CABP1: variants seen among roughly 807,000 people sequenced by gnomAD.
CABP1 encodes the protein calcium binding protein 1, also known as calcium-binding protein 1.
Under a neutral mutation model 34.3 loss-of-function variants are expected in CABP1, and 17 were observed. That is an observed-to-expected ratio of 0.50 (90% CI 0.34 to 0.74). The LOEUF (loss-of-function observed/expected upper bound fraction) is 0.74. CABP1 is among the 30% of genes least tolerant of loss of function. The pLI is 0.01. For synonymous variants in CABP1, 198 were observed against 229.2 expected (o/e 0.86, Z 1.23); for missense variants, 373 against 511.1 (o/e 0.73, Z 2.61).
the CABP1 span, among the ~76,000 whole-genome samples, chr12:120,676,995 T>C: frequency 5.3e-5 from 8 of 152,036 alleles, no homozygotes; most frequent in Admixed American, 1.3e-4. Flanking sequence ...CCTAGCTACT[T>C]GGGATCAGTT....
chr12:120,658,088 C>CTT (rs140287793), intron 1 of CABP1, among the ~76,000 whole-genome samples: 291 of 86,202 alleles, frequency 3.4e-3, no homozygotes, highest in African/African-American at 4.4e-3. Flanking sequence ...CCATCACCAG[C>CTT]TTTTTTTTTT....
In CABP1 at chr12:120,661,181, T is replaced by C; in HGVS notation, c.1050T>C (p.Asp350=). 1 of 1,611,242 alleles carries C rather than the reference T, an allele frequency of 6.2e-7. No homozygotes were observed. Among genetic ancestry groups the C allele is most frequent in the East Asian group, 2.2e-5 (1 of 44,836 alleles). The stretch of plus-strand genomic sequence containing the variant: ...GAGACATAGAGGAAATTATCCGAGA[T>C]GTGGACCTCAATGGGGATGGACGAG... ...GHRDIEEIIR[D]VDLNGDGRVD... Residue 350 remains aspartate (D), a synonymous_variant, in exon 5 of 6, where the codon GAT becomes GAC. Coordinates refer to ENST00000316803, the MANE Select transcript of CABP1 (RefSeq NM_001033677.2). This position sits in a 1 kb window ranked among gnomAD's most constrained non-coding sequence, Gnocchi z 5.1.
At chr12:120,679,968 T>G in the CABP1 span, among the ~76,000 whole-genome samples, 1 of 152,156 alleles carries the variant, frequency 6.6e-6, no homozygotes, top group East Asian at 1.9e-4. Flanking sequence ...GGTCTGGAGT[T>G]TGAGACCAGC....
chr12:120,641,626 A>C lies in CABP1; in HGVS notation c.654+287A>C. 3.2e-6 allele frequency: 1 copy of C among 312,418 alleles called. No individual in the cohort carries two copies. The allele number at this position is 312,418 out of a possible 1,614,324, so 19.4% of individuals were successfully genotyped here. On this transcript the variant is annotated intron_variant, in intron 1 of 5. Coordinates refer to ENST00000316803, the MANE Select transcript of CABP1 (RefSeq NM_001033677.2). This position sits in a 1 kb window ranked among gnomAD's most constrained non-coding sequence, Gnocchi z 6.7. ...CCAGTCCTGGAAGAGAGCGACCTCT[A>C]CGACCGTCCTGGAGATTTGCGGGGG...
rs1881033445 is a variant in CABP1 at position 120,666,957 on chromosome 12, T to C, written c.*57T>C. ...TCCCAAAGGCGGGGCTAAGAGGAGC[T>C]AGAGCTTGCCTCACCCGCTGTAGCC... On this transcript the variant is annotated 3_prime_UTR_variant, in exon 6 of 6. Coordinates refer to ENST00000316803, the MANE Select transcript of CABP1 (RefSeq NM_001033677.2). The C allele has an allele frequency of 6.4e-7, 1 of 1,562,148 alleles. No homozygotes were observed. The highest frequency in any genetic ancestry group is 8.6e-7 in the Non-Finnish European group (1 of 1,158,688).
chr12:120,660,661 T>A lies in CABP1; in HGVS notation c.830-70T>A. 1 of 1,050,040 alleles carries A rather than the reference T, an allele frequency of 9.5e-7. No individual in the cohort carries two copies. The highest frequency in any genetic ancestry group is 1.5e-6 in the Non-Finnish European group (1 of 669,176). The allele number at this position is 1,050,040 out of a possible 1,614,324, so 65.0% of individuals were successfully genotyped here. Reference sequence around the variant, plus strand: ...CAGGTCAAGGAGGGGTTGTCCATTCTGTCAGTTGTCTAGTTGGAGACAGGG... The same window carrying A: ...CAGGTCAAGGAGGGGTTGTCCATTCAGTCAGTTGTCTAGTTGGAGACAGGG... On this transcript the variant is annotated intron_variant, in intron 3 of 5. Transcript: ENST00000316803. The surrounding 1 kb of genome is among the most constrained non-coding windows in gnomAD (Gnocchi z 5.0).
chr12:120,669,081 C>G (rs1881155962), downstream of CABP1, among the ~76,000 whole-genome samples: 1 of 150,530 alleles, frequency 6.6e-6, no homozygotes, highest in African/African-American at 2.4e-5. Context: ...TCCAGGCAGC[C>G]AGGGGAGGCT....
At chr12:120,678,118 C>T in the CABP1 span, among the ~76,000 whole-genome samples, 29 of 152,326 alleles carry the variant, frequency 1.9e-4, 1 homozygote, top group South Asian at 6.0e-3. Flanking sequence ...ACCAAACCAC[C>T]CACCTCAGAG....
In CABP1 at chr12:120,667,037, G is replaced by A. The variant is rs1881041742; in HGVS notation, c.*137G>A. ...GGGCCTGCCTGCACCCCGGGGAGGC[G>A]CCCACCCCGGACCCCCACCCCTCCG... On this transcript the variant is annotated 3_prime_UTR_variant, in exon 6 of 6. Coordinates refer to ENST00000316803, the MANE Select transcript of CABP1 (RefSeq NM_001033677.2). 2.9e-6 allele frequency: 3 copies of A among 1,017,802 alleles called. No homozygotes were observed. The highest frequency in any genetic ancestry group is 1.6e-5 in the African/African-American group (1 of 62,872). 63.0% of individuals were successfully genotyped at this position (1,017,802 alleles called of 1,614,324 possible). A position where few individuals can be genotyped will look rare whatever the true frequency, so the allele number is the denominator to read the frequency against.
At chr12:120,655,593 C>T in intron 1 of CABP1, 1 of 1,308,608 alleles carries the variant, frequency 7.6e-7, no homozygotes, top group East Asian at 2.9e-5. Flanking sequence ...GCCCTCACTG[C>T]CTTCCAGCGG....
chr12:120,679,665 T>A, the CABP1 span, among the ~76,000 whole-genome samples: 5 of 151,764 alleles, frequency 3.3e-5, no homozygotes, highest in Non-Finnish European at 7.4e-5. Context: ...CCGTCTCTAC[T>A]AAAAATACAA....
At chr12:120,665,568 C>T (rs1485358478) in intron 5 of CABP1, among the ~76,000 whole-genome samples, 1 of 152,116 alleles carries the variant, frequency 6.6e-6, no homozygotes, top group East Asian at 1.9e-4. Flanking sequence ...CAGGTGATAA[C>T]GATGTGTCGG....
intron 1 of CABP1, among the ~76,000 whole-genome samples, chr12:120,657,917 G>T (rs1281512781): frequency 6.6e-6 from 1 of 152,160 alleles, no homozygotes; most frequent in Non-Finnish European, 1.5e-5. Flanking sequence ...GTCCTAGGGC[G>T]TGTGCTCTGC....
At chr12:120,657,509 G>A (rs73222792) in intron 1 of CABP1, among the ~76,000 whole-genome samples, 3,628 of 152,214 alleles carry the variant, frequency 0.024, 75 homozygotes, top group Non-Finnish European at 0.041. Flanking sequence ...GTCCAAGTGC[G>A]TCTCCCCAGC....
At chr12:120,643,581 G>A (rs765760626) in intron 1 of CABP1, among the ~76,000 whole-genome samples, 3 of 152,166 alleles carry the variant, frequency 2.0e-5, no homozygotes, top group Non-Finnish European at 4.4e-5. Context: ...ACCTCATTAA[G>A]TCTATTTCTT....
chr12:120,655,841 G>A, intron 1 of CABP1: 1 of 1,533,086 alleles, frequency 6.5e-7, no homozygotes, highest in Non-Finnish European at 8.7e-7. Flanking sequence ...GTGTGTGTGT[G>A]TGTGTGTGTG....
Position 120,666,937 on chromosome 12 carries a change from A to G in CABP1, c.*37A>G. The stretch of plus-strand genomic sequence containing the variant: ...CCCCTCCAGGACTGCCAAGCTCCCA[A>G]AGGCGGGGCTAAGAGGAGCTAGAGC... On this transcript the variant is annotated 3_prime_UTR_variant, in exon 6 of 6. Transcript: ENST00000316803. 6.3e-7 allele frequency: 1 copy of G among 1,589,636 alleles called. No individual in the cohort carries two copies. Among genetic ancestry groups the G allele is most frequent in the Non-Finnish European group, 8.5e-7 (1 of 1,173,138 alleles).
chr12:120,680,605 G>T, the CABP1 span, among the ~76,000 whole-genome samples: 1 of 152,180 alleles, frequency 6.6e-6, no homozygotes, highest in African/African-American at 2.4e-5. Context: ...TGTCTACAGA[G>T]AAATGGCCTG....
At chr12:120,647,693 G>A (rs958648930) in intron 1 of CABP1, among the ~76,000 whole-genome samples, 2 of 149,530 alleles carry the variant, frequency 1.3e-5, no homozygotes, top group Admixed American at 6.7e-5. Context: ...TCAGCCTCTC[G>A]AGTAGCGGCG....
Sources: allele counts gnomAD v4.1 joint callset (sites outside exome capture counted in the v4.1 genomes callset), GRCh38; gene constraint gnomAD v4.1.1; non-coding constraint Gnocchi (gnomAD v3.1); transcripts MANE v1.5; gene names NCBI Gene and HGNC (gene_info 2026-07-23, HGNC 2026-07-21).